SENP7: variants seen among roughly 807,000 people sequenced by gnomAD.
SENP7 encodes SUMO specific peptidase 7.
In SENP7, 64 loss-of-function variants were observed where a neutral mutation model predicts 141.2. The observed-to-expected ratio is 0.45, with a 90% CI of 0.37 to 0.56. SENP7 has a LOEUF of 0.56. Among genes scored for constraint, SENP7 ranks in the 20% least tolerant of loss-of-function variants. The probability of loss-of-function intolerance (pLI) is 0.00; values close to 1 mark genes in which losing one functional copy is unlikely to be tolerated. For missense variants in SENP7, 1,025 were observed against 1,212.2 expected, an observed-to-expected ratio of 0.85 and a Z score of 2.29; for synonymous variants, 382 against 426.4, an observed-to-expected ratio of 0.90 and a Z score of 1.28.
chr3:101,421,897 A>G (rs965370664), intron 4 of SENP7, among the ~76,000 whole-genome samples: 2 of 152,212 alleles, frequency 1.3e-5, no homozygotes, highest in African/African-American at 4.8e-5. Flanking sequence ...AGGGATATAT[A>G]CTTAGGTAAC....
At chr3:101,504,984 G>A (rs2065540151) in intron 1 of SENP7, among the ~76,000 whole-genome samples, 1 of 152,006 alleles carries the variant, frequency 6.6e-6, no homozygotes, top group African/African-American at 2.4e-5. Context: ...AGAATCGCTT[G>A]AGCCCAGGAG....
chr3:101,423,320 A>T (rs1334921800), intron 4 of SENP7, among the ~76,000 whole-genome samples: 1 of 152,218 alleles, frequency 6.6e-6, no homozygotes, highest in Non-Finnish European at 1.5e-5. Flanking sequence ...ATCATCAGTC[A>T]TCAAGGAAAT....
chr3:101,493,468 T>C (rs1271482045), intron 3 of SENP7, among the ~76,000 whole-genome samples: 1 of 152,216 alleles, frequency 6.6e-6, no homozygotes, highest in Non-Finnish European at 1.5e-5. Flanking sequence ...TGCTTAAAAA[T>C]GAGATAAAGT....
In SENP7 at chr3:101,358,385, T is replaced by A. The variant is rs561437862; in HGVS notation, c.1623+3330A>T. The A allele has an allele frequency of 2.2e-4, 107 of 493,002 alleles. 1 individual carries two copies. The highest frequency in any genetic ancestry group is 1.7e-3 in the South Asian group (97 of 56,894). 30.5% of individuals were successfully genotyped at this position (493,002 alleles called of 1,614,324 possible). A position where few individuals can be genotyped will look rare whatever the true frequency, so the allele number is the denominator to read the frequency against. On this transcript the variant is annotated intron_variant, in intron 11 of 23. Coordinates refer to ENST00000394095, the MANE Select transcript of SENP7 (RefSeq NM_020654.5). ...AAATCTTTTAAATGTTCCTCAACCCTTAATAAGCATAAGATAATTTATACT... is the reference window on the plus strand; with the variant it reads ...AAATCTTTTAAATGTTCCTCAACCCATAATAAGCATAAGATAATTTATACT...
At chr3:101,415,937 G>A (rs1035383105) in intron 5 of SENP7, among the ~76,000 whole-genome samples, 34 of 144,866 alleles carry the variant, frequency 2.3e-4, no homozygotes, top group South Asian at 2.2e-4. Flanking sequence ...ATTTTCTACC[G>A]CCCCCCAAAA....
At chr3:101,417,264 T>G (rs1035983678) in intron 5 of SENP7, among the ~76,000 whole-genome samples, 22 of 152,170 alleles carry the variant, frequency 1.4e-4, no homozygotes, top group African/African-American at 4.3e-4. Flanking sequence ...ATATAATACA[T>G]ATACACACAC....
At chr3:101,490,959 T>G (rs1177793705) in intron 3 of SENP7, among the ~76,000 whole-genome samples, 3 of 152,136 alleles carry the variant, frequency 2.0e-5, no homozygotes, top group East Asian at 3.8e-4. Flanking sequence ...AGGATTTCGA[T>G]TTCCCAAAAT....
At chr3:101,454,052 G>A (rs1188104892) in intron 4 of SENP7, among the ~76,000 whole-genome samples, 1 of 152,148 alleles carries the variant, frequency 6.6e-6, no homozygotes, top group Non-Finnish European at 1.5e-5. Flanking sequence ...ATAAGCACTG[G>A]TGAGGATGTA....
intron 3 of SENP7, among the ~76,000 whole-genome samples, chr3:101,469,948 A>G (rs1042111499): frequency 2.6e-5 from 4 of 152,092 alleles, no homozygotes; most frequent in Admixed American, 1.3e-4. Context: ...AACTACATGG[A>G]AAGTGAACAA....
intron 5 of SENP7, among the ~76,000 whole-genome samples, chr3:101,410,001 CCACA>C (rs139757972): frequency 0.012 from 1,811 of 152,108 alleles, 30 homozygotes; most frequent in African/African-American, 0.04. Flanking sequence ...AACGGATAAC[CCACA>C]GAGTGGGAAA....
intron 20 of SENP7, among the ~76,000 whole-genome samples, chr3:101,329,339 T>G (rs1265559796): frequency 6.6e-6 from 1 of 152,140 alleles, no homozygotes; most frequent in Non-Finnish European, 1.5e-5. Context: ...ATTTGAGAAA[T>G]CTGGCCCTAC....
chr3:101,442,404 T>G (rs1474815076), intron 4 of SENP7, among the ~76,000 whole-genome samples: 1 of 152,098 alleles, frequency 6.6e-6, no homozygotes, highest in African/African-American at 2.4e-5. Context: ...GCAACCTAGG[T>G]CGCCTGCATG....
At chr3:101,395,030 C>T (rs1291460977) in intron 6 of SENP7, among the ~76,000 whole-genome samples, 3 of 152,146 alleles carry the variant, frequency 2.0e-5, no homozygotes, top group Non-Finnish European at 4.4e-5. Flanking sequence ...TTGGATTCCT[C>T]ATATATTCTG....
chr3:101,416,165 T>G (rs1425423396), intron 5 of SENP7, among the ~76,000 whole-genome samples: 3 of 152,188 alleles, frequency 2.0e-5, no homozygotes, highest in Non-Finnish European at 4.4e-5. Context: ...CTGGACTAGC[T>G]GGTAGCTCAC....
chr3:101,337,776 A>G (rs2059224837), intron 16 of SENP7, 145 bp from the exon 17 acceptor site: 1 of 623,696 alleles, frequency 1.6e-6, no homozygotes, highest in South Asian at 3.3e-5. Flanking sequence ...TTCAGCTTTC[A>G]GTTTGGTTAG....
intron 5 of SENP7, among the ~76,000 whole-genome samples, chr3:101,399,974 C>A (rs1279372370): frequency 6.6e-6 from 1 of 152,134 alleles, no homozygotes; most frequent in African/African-American, 2.4e-5. Context: ...AGTTTTATAT[C>A]AAATGCACTA....
At chr3:101,475,443 T>A (rs1175251567) in intron 3 of SENP7, among the ~76,000 whole-genome samples, 1 of 152,154 alleles carries the variant, frequency 6.6e-6, no homozygotes, top group Non-Finnish European at 1.5e-5. Flanking sequence ...CTCAGCAAAC[T>A]AATGCAGGAA....
intron 5 of SENP7, among the ~76,000 whole-genome samples, chr3:101,415,283 A>C (rs1245347043): frequency 6.6e-6 from 1 of 152,218 alleles, no homozygotes; most frequent in East Asian, 1.9e-4. Flanking sequence ...ATTTCTTAAA[A>C]TTATTACATG....
intron 3 of SENP7, among the ~76,000 whole-genome samples, chr3:101,461,664 A>C (rs549290972): frequency 6.6e-6 from 1 of 152,254 alleles, no homozygotes; most frequent in South Asian, 2.1e-4. Context: ...AGCAATTCTC[A>C]CCCTAAGTAT....
Sources: gnomAD v4.1 joint callset for allele counts (sites outside exome capture counted in the v4.1 genomes callset) on GRCh38, gnomAD v4.1.1 for gene constraint, MANE v1.5 for transcripts, NCBI Gene and HGNC (gene_info 2026-07-23, HGNC 2026-07-21) for gene names.